Variants in BST1 observed in about 807,000 individuals in gnomAD.
The protein encoded by BST1 is bone marrow stromal cell antigen 1.
A neutral mutation model predicts 40.6 loss-of-function variants in BST1; 49 were observed. That is an observed-to-expected ratio of 1.21 (90% confidence interval 0.96 to 1.53). BST1 has a LOEUF of 1.53. BST1 is among the 40% of genes most tolerant of loss of function. BST1 has a pLI of 0.00. For synonymous variants in BST1, 157 were observed against 159.3 expected, an observed-to-expected ratio of 0.99 and a Z score of 0.11; for missense variants, 423 against 395.9, an observed-to-expected ratio of 1.07 and a Z score of -0.58.
At chr4:15,743,623 A>G in the BST1 span, 18 of 296,936 alleles carry the variant, frequency 6.1e-5, no homozygotes, top group African/African-American at 3.1e-4. Context: ...TGCCCCTCCT[A>G]TTTCTGGCAA....
the BST1 span, among the ~76,000 whole-genome samples, chr4:15,765,198 T>C: frequency 6.6e-6 from 1 of 152,128 alleles, no homozygotes; most frequent in South Asian, 2.1e-4. Flanking sequence ...TCTCCTTTCA[T>C]AGTCTTTCTC....
At chr4:15,706,538 C>A (rs1444040470) in intron 2 of BST1, among the ~76,000 whole-genome samples, 1 of 152,168 alleles carries the variant, frequency 6.6e-6, no homozygotes, top group Admixed American at 6.5e-5. Flanking sequence ...GAGAAAATTT[C>A]CATAAAACCC....
the BST1 span, among the ~76,000 whole-genome samples, chr4:15,753,390 T>A: frequency 6.6e-6 from 1 of 152,218 alleles, no homozygotes; most frequent in Non-Finnish European, 1.5e-5. Context: ...CCATCGTATC[T>A]GTAGCAGAGA....
chr4:15,720,822 C>T (rs574681713), intron 7 of BST1, among the ~76,000 whole-genome samples: 33 of 152,118 alleles, frequency 2.2e-4, no homozygotes, highest in Admixed American at 6.5e-4. Flanking sequence ...CTAGCCATCG[C>T]CCCCTCAAAA....
At chr4:15,713,668 A>G (rs1328986987) in intron 4 of BST1, among the ~76,000 whole-genome samples, 1 of 152,128 alleles carries the variant, frequency 6.6e-6, no homozygotes, top group African/African-American at 2.4e-5. Flanking sequence ...CCACGACGTT[A>G]TACAGCCTTA....
At chr4:15,719,942 C>T (rs1720722305) in intron 7 of BST1, among the ~76,000 whole-genome samples, 1 of 152,168 alleles carries the variant, frequency 6.6e-6, no homozygotes, top group Non-Finnish European at 1.5e-5. Context: ...TGTTGTTTAT[C>T]ACCCCTTTTA....
chr4:15,747,733 C>T, the BST1 span, among the ~76,000 whole-genome samples: 1 of 152,136 alleles, frequency 6.6e-6, no homozygotes, highest in Admixed American at 6.5e-5. Context: ...ACAGTGGTCC[C>T]ATCATGGCTC....
chr4:15,724,556 C>T (rs1056379790), intron 8 of BST1, among the ~76,000 whole-genome samples: 6 of 152,022 alleles, frequency 3.9e-5, no homozygotes, highest in African/African-American at 1.2e-4. Context: ...AGTGGTGGTG[C>T]GTGCCTGTAA....
chr4:15,724,189 C>T (rs1720975847), intron 8 of BST1, among the ~76,000 whole-genome samples: 1 of 152,198 alleles, frequency 6.6e-6, no homozygotes, highest in Non-Finnish European at 1.5e-5. Flanking sequence ...GTACCATCTG[C>T]CTGCCTCACT....
At chr4:15,766,787 T>TA in the BST1 span, among the ~76,000 whole-genome samples, 23,308 of 68,286 alleles carry the variant, frequency 0.34, 3,794 homozygotes, top group African/African-American at 0.45. Context: ...AAGACCTCCC[T>TA]AAAAAAAAAA....
downstream of BST1, chr4:15,735,985 C>A: frequency 1.0e-6 from 1 of 961,866 alleles, no homozygotes; most frequent in Non-Finnish European, 1.4e-6. Context: ...CAAATCTCAT[C>A]TGTCATACTG....
the BST1 span, among the ~76,000 whole-genome samples, chr4:15,749,524 C>A: frequency 2.6e-5 from 4 of 152,126 alleles, no homozygotes; most frequent in Non-Finnish European, 5.9e-5. Flanking sequence ...ATTCTATCAC[C>A]GTCCTGGTCA....
the BST1 span, among the ~76,000 whole-genome samples, chr4:15,758,448 C>T: frequency 1.3e-5 from 2 of 152,314 alleles, no homozygotes; most frequent in East Asian, 3.9e-4. Context: ...CCTCCATTAT[C>T]CTAAGCTACA....
intron 8 of BST1, among the ~76,000 whole-genome samples, chr4:15,727,685 G>T (rs1721186906): frequency 6.6e-6 from 1 of 152,036 alleles, no homozygotes; most frequent in Non-Finnish European, 1.5e-5. Flanking sequence ...AAAACAATTT[G>T]ACAATATGTG....
At chr4:15,771,299 T>TA in the BST1 span, among the ~76,000 whole-genome samples, 1 of 152,222 alleles carries the variant, frequency 6.6e-6, no homozygotes. Context: ...AAAATATTGG[T>TA]AACTTGCCCC....
At chr4:15,764,391 G>A in the BST1 span, among the ~76,000 whole-genome samples, 1 of 151,984 alleles carries the variant, frequency 6.6e-6, no homozygotes, top group Non-Finnish European at 1.5e-5. Flanking sequence ...ATTCAAGAAT[G>A]TATTCCTCCC....
rs73798668 is a variant in BST1, at chr4:15,725,708, G to A, written c.851+2774G>A. On this transcript the variant is annotated intron_variant, in intron 8 of 8. Coordinates refer to ENST00000265016, the MANE Select transcript of BST1 (RefSeq NM_004334.3). The stretch of plus-strand genomic sequence containing the variant: ...CATATGCTTTCCTGCTCATCAGCCT[G>A]TGGAAACACCGTTTTGGCAGTAGTA... 2.6e-3 allele frequency among the ~76,000 whole-genome samples: 389 copies of A among 152,244 alleles called. 3 individuals carry two copies. The highest frequency in any genetic ancestry group is 9.0e-3 in the African/African-American group (374 of 41,544).
At chr4:15,718,851 C>A (rs1034341306) in intron 6 of BST1, 56 bp from the exon 7 acceptor site, 15 of 1,473,042 alleles carry the variant, frequency 1.0e-5, no homozygotes, top group African/African-American at 1.4e-5. Context: ...CCAGAAACAA[C>A]TTCCTCTTCC....
chr4:15,737,527 C>CA (rs1183676796), downstream of BST1, among the ~76,000 whole-genome samples: 1 of 152,184 alleles, frequency 6.6e-6, no homozygotes, highest in African/African-American at 2.4e-5. Flanking sequence ...GTGTCTTCAA[C>CA]AAACAGGTCC....
Sources: allele counts gnomAD v4.1 joint callset (sites outside exome capture counted in the v4.1 genomes callset), GRCh38; gene constraint gnomAD v4.1.1; transcripts MANE v1.5; gene names NCBI Gene and HGNC (gene_info 2026-07-23, HGNC 2026-07-21).